The following ZNF385D variants were observed in gnomAD, a reference collection of about 807,000 sequenced individuals.
The protein encoded by ZNF385D is zinc finger protein 659.
A neutral mutation model predicts 35.8 loss-of-function variants in ZNF385D; 15 were observed. The ratio of observed to expected loss-of-function variants is 0.42; its 90% CI spans 0.28 to 0.64. ZNF385D has a LOEUF of 0.64. Ranked by LOEUF, ZNF385D falls within the 30% of genes least tolerant of loss-of-function variation. The pLI is 0.23. For missense variants in ZNF385D, 474 were observed against 494.6 expected (o/e 0.96, Z 0.39); for synonymous variants, 212 against 186.8 (o/e 1.13, Z -1.10).
chr3:22,030,072 G>A (rs895347398), intron 3 of ZNF385D, among the ~76,000 whole-genome samples: 1 of 151,104 alleles, frequency 6.6e-6, no homozygotes, highest in African/African-American at 2.4e-5. Flanking sequence ...AAACATGCAA[G>A]AGTGAGATGA....
chr3:22,105,009 G>C (rs914216320), intron 3 of ZNF385D, among the ~76,000 whole-genome samples: 6 of 152,116 alleles, frequency 3.9e-5, no homozygotes, highest in Non-Finnish European at 8.8e-5. Flanking sequence ...GAGTTTAGAA[G>C]ATTAAAACTG....
rs542130912 is a variant in ZNF385D, at chr3:21,633,957, A to G, written c.165+30929T>C. ...ACATCTGTAATCCTAGCACTTTGGA[A>G]AGATCAGGCAGGTGGATTGCTTGAG... On this transcript the variant is annotated intron_variant, in intron 2 of 7. Coordinates refer to ENST00000281523, the MANE Select transcript of ZNF385D (RefSeq NM_024697.3). Among the ~76,000 whole-genome samples the G allele has an allele frequency of 3.3e-3, 500 of 152,176 alleles. 1 individual carries two copies. The highest frequency in any genetic ancestry group is 0.012 in the African/African-American group (488 of 41,542).
intron 3 of ZNF385D, among the ~76,000 whole-genome samples, chr3:21,977,140 G>A (rs1312075577): frequency 1.3e-5 from 2 of 152,192 alleles, no homozygotes; most frequent in East Asian, 3.8e-4. Context: ...ACTAATCTAT[G>A]ACTCTAATTA....
chr3:21,452,405 C>T (rs922203060), intron 4 of ZNF385D, among the ~76,000 whole-genome samples: 1 of 151,944 alleles, frequency 6.6e-6, no homozygotes, highest in African/African-American at 2.4e-5. Context: ...GATCATTCTA[C>T]TGAAAGTTCT....
At chr3:22,084,232 A>C (rs571935501) in intron 3 of ZNF385D, among the ~76,000 whole-genome samples, 1 of 152,316 alleles carries the variant, frequency 6.6e-6, no homozygotes, top group East Asian at 1.9e-4. Flanking sequence ...ACACATAACA[A>C]TATTAACCTT....
At chr3:21,533,979 A>G (rs1275497296) in intron 3 of ZNF385D, among the ~76,000 whole-genome samples, 1 of 152,142 alleles carries the variant, frequency 6.6e-6, no homozygotes, top group Non-Finnish European at 1.5e-5. Flanking sequence ...TTTGATGCCA[A>G]TATCAAATAT....
intron 2 of ZNF385D, among the ~76,000 whole-genome samples, chr3:22,258,068 A>G (rs138240137): frequency 6.6e-6 from 1 of 151,956 alleles, no homozygotes; most frequent in East Asian, 1.9e-4. Flanking sequence ...ACAGAGGTAC[A>G]ATGAGATATA....
intron 2 of ZNF385D, among the ~76,000 whole-genome samples, chr3:22,296,152 G>C (rs183876673): frequency 6.6e-6 from 1 of 152,254 alleles, no homozygotes; most frequent in African/African-American, 2.4e-5. Flanking sequence ...ACTCACTCCA[G>C]ATAACACTTT....
intron 3 of ZNF385D, among the ~76,000 whole-genome samples, chr3:21,813,083 G>C (rs915393289): frequency 6.6e-6 from 1 of 152,118 alleles, no homozygotes; most frequent in Non-Finnish European, 1.5e-5. Context: ...AGGCAAACAG[G>C]GTCTGGAGTG....
At chr3:21,526,078 C>T (rs984432405) in intron 3 of ZNF385D, among the ~76,000 whole-genome samples, 2 of 152,112 alleles carry the variant, frequency 1.3e-5, no homozygotes, top group Non-Finnish European at 2.9e-5. Flanking sequence ...CTATTTTCCA[C>T]TACATATTCA....
At chr3:21,929,991 A>C (rs1446456896) in intron 3 of ZNF385D, among the ~76,000 whole-genome samples, 1 of 152,072 alleles carries the variant, frequency 6.6e-6, no homozygotes, top group Non-Finnish European at 1.5e-5. Context: ...AGAATAGACA[A>C]AACAATATTG....
intron 2 of ZNF385D, among the ~76,000 whole-genome samples, chr3:21,604,462 G>C (rs1047802175): frequency 6.6e-6 from 1 of 152,218 alleles, no homozygotes; most frequent in Non-Finnish European, 1.5e-5. Flanking sequence ...TAGTTTGGCA[G>C]TGCTATGCTA....
chr3:21,690,657 T>A (rs1011004886), intron 1 of ZNF385D, among the ~76,000 whole-genome samples: 1 of 152,168 alleles, frequency 6.6e-6, no homozygotes, highest in Admixed American at 6.5e-5. Context: ...TACACTTTTC[T>A]CTAGGCTCTA....
intron 2 of ZNF385D, among the ~76,000 whole-genome samples, chr3:21,632,122 A>G (rs2065299207): frequency 6.6e-6 from 1 of 152,138 alleles, no homozygotes; most frequent in African/African-American, 2.4e-5. Context: ...TGTCACAGAG[A>G]TAATATTCTT....
intron 3 of ZNF385D, among the ~76,000 whole-genome samples, chr3:21,993,777 T>A (rs1014013637): frequency 6.6e-6 from 1 of 152,206 alleles, no homozygotes; most frequent in Admixed American, 6.5e-5. Context: ...TTGCTTCCAA[T>A]GGGACACTGT....
At chr3:22,156,171 T>C (rs2125729887) in intron 3 of ZNF385D, among the ~76,000 whole-genome samples, 1 of 152,182 alleles carries the variant, frequency 6.6e-6, no homozygotes, top group South Asian at 2.1e-4. Context: ...AATATAAATG[T>C]ACTTCTAGGA....
chr3:21,863,810 G>C (rs766026044), intron 3 of ZNF385D, among the ~76,000 whole-genome samples: 25 of 152,144 alleles, frequency 1.6e-4, no homozygotes, highest in Admixed American at 1.5e-3. Flanking sequence ...AACTCTATTA[G>C]TGTATCTGTG....
intron 3 of ZNF385D, among the ~76,000 whole-genome samples, chr3:21,534,361 C>T (rs1395217856): frequency 1.3e-5 from 2 of 152,056 alleles, no homozygotes; most frequent in African/African-American, 2.4e-5. Context: ...TCCATCGACA[C>T]TCTAAGACGT....
intron 3 of ZNF385D, among the ~76,000 whole-genome samples, chr3:22,165,750 C>T (rs1706272235): frequency 6.6e-6 from 1 of 152,150 alleles, no homozygotes; most frequent in South Asian, 2.1e-4. Flanking sequence ...CAGAACTCAG[C>T]TTTATTGAAA....
Sources: allele counts gnomAD v4.1 joint callset (sites outside exome capture counted in the v4.1 genomes callset), GRCh38; gene constraint gnomAD v4.1.1; transcripts MANE v1.5; gene names NCBI Gene and HGNC (gene_info 2026-07-23, HGNC 2026-07-21).